NTNG1: variants seen among roughly 807,000 people sequenced by gnomAD.
NTNG1 encodes netrin-G1.
A neutral mutation model predicts 54.0 loss-of-function variants in NTNG1; 16 were observed. The observed-to-expected ratio is 0.30, with a 90% CI of 0.20 to 0.45. NTNG1 has a LOEUF of 0.45. Among genes scored for constraint, NTNG1 ranks in the 20% least tolerant of loss-of-function variants. The pLI, the probability that NTNG1 is intolerant of heterozygous loss-of-function variation, is 1.00. For missense variants in NTNG1, 530 were observed against 678.7 expected, an observed-to-expected ratio of 0.78 and a Z score of 2.43; for synonymous variants, 255 against 263.1, an observed-to-expected ratio of 0.97 and a Z score of 0.30.
intron 2 of NTNG1, among the ~76,000 whole-genome samples, chr1:107,191,161 A>G (rs138575544): frequency 6.7e-6 from 1 of 149,842 alleles, no homozygotes; most frequent in Non-Finnish European, 1.5e-5. Flanking sequence ...TTTGATTTGC[A>G]TTTCTCTGAT....
intron 2 of NTNG1, among the ~76,000 whole-genome samples, chr1:107,323,271 T>C (rs1570676456): frequency 6.6e-6 from 1 of 152,114 alleles, no homozygotes; most frequent in African/African-American, 2.4e-5. Context: ...ACTTGTTTTC[T>C]TAAAAACAAA....
intron 2 of NTNG1, among the ~76,000 whole-genome samples, chr1:107,149,706 T>C (rs562007098): frequency 6.6e-6 from 1 of 152,152 alleles, no homozygotes; most frequent in Non-Finnish European, 1.5e-5. Context: ...GTAAAGAGGC[T>C]GGTGATTAAA....
At chr1:107,299,433 A>G (rs987364039) in intron 2 of NTNG1, among the ~76,000 whole-genome samples, 11 of 152,092 alleles carry the variant, frequency 7.2e-5, no homozygotes, top group Admixed American at 3.3e-4. Context: ...CTCAAAATCA[A>G]TGGTGTAGTG....
At chr1:107,404,114 T>G (rs1272549198) in intron 4 of NTNG1, among the ~76,000 whole-genome samples, 1 of 150,428 alleles carries the variant, frequency 6.6e-6, no homozygotes, top group Non-Finnish European at 1.5e-5. Flanking sequence ...TAATTTTATA[T>G]TTTAATGTTA....
chr1:107,149,643 AAC>A (rs1654410630), intron 2 of NTNG1, among the ~76,000 whole-genome samples: 1 of 152,140 alleles, frequency 6.6e-6, no homozygotes, highest in African/African-American at 2.4e-5. Context: ...ATATTGGAGT[AAC>A]ACATTGAATT....
intron 2 of NTNG1, among the ~76,000 whole-genome samples, chr1:107,308,986 C>T (rs1401539426): frequency 2.7e-5 from 4 of 147,550 alleles, no homozygotes; most frequent in East Asian, 4.0e-4. Context: ...AGACATTACA[C>T]GTTGATGTAT....
intron 2 of NTNG1, among the ~76,000 whole-genome samples, chr1:107,221,626 C>T (rs1660352825): frequency 6.6e-6 from 1 of 152,156 alleles, no homozygotes; most frequent in Non-Finnish European, 1.5e-5. Context: ...TTGGTTAGAA[C>T]ATAGGGTACA....
chr1:107,182,266 A>T (rs1022556677), intron 2 of NTNG1, among the ~76,000 whole-genome samples: 1 of 152,142 alleles, frequency 6.6e-6, no homozygotes, highest in Non-Finnish European at 1.5e-5. Flanking sequence ...ACAGCATTTG[A>T]GTCTCCCCAA....
chr1:107,283,127 C>T (rs1000125463), intron 2 of NTNG1, among the ~76,000 whole-genome samples: 1 of 151,932 alleles, frequency 6.6e-6, no homozygotes, highest in Admixed American at 6.6e-5. Flanking sequence ...ACTTTCAGAC[C>T]CTAGCAAGGC....
chr1:107,265,856 G>A (rs1663702693), intron 2 of NTNG1, among the ~76,000 whole-genome samples: 1 of 152,142 alleles, frequency 6.6e-6, no homozygotes, highest in Non-Finnish European at 1.5e-5. Context: ...TGGTCTGGTT[G>A]GCCTCCTACC....
At chr1:107,421,018 G>A in intron 5 of NTNG1, 1 of 1,117,644 alleles carries the variant, frequency 8.9e-7, no homozygotes, top group Non-Finnish European at 1.3e-6. Flanking sequence ...TTGGTGATAA[G>A]TTATTACAGT....
intron 2 of NTNG1, among the ~76,000 whole-genome samples, chr1:107,281,132 G>A (rs1016657746): frequency 1.3e-5 from 2 of 151,926 alleles, no homozygotes; most frequent in Non-Finnish European, 2.9e-5. Flanking sequence ...CATTTCTGTT[G>A]ACCTATCAAC....
At chr1:107,423,232 A>G (rs1321575773) in intron 5 of NTNG1, among the ~76,000 whole-genome samples, 1 of 151,964 alleles carries the variant, frequency 6.6e-6, no homozygotes, top group East Asian at 1.9e-4. Context: ...TATTTTTTCT[A>G]TCTTCCCACT....
intron 2 of NTNG1, among the ~76,000 whole-genome samples, chr1:107,193,121 C>T (rs1658080972): frequency 6.6e-6 from 1 of 152,048 alleles, no homozygotes; most frequent in Non-Finnish European, 1.5e-5. Flanking sequence ...TAGGTGCTCT[C>T]ATTGTCTTCT....
chr1:107,456,540 T>A (rs1384486976), intron 7 of NTNG1, among the ~76,000 whole-genome samples: 1 of 152,132 alleles, frequency 6.6e-6, no homozygotes, highest in Non-Finnish European at 1.5e-5. Flanking sequence ...CCCACCAGAA[T>A]CAAGTAGAAC....
At chr1:107,416,061 AG>A (rs1674176551) in intron 5 of NTNG1, among the ~76,000 whole-genome samples, 1 of 152,182 alleles carries the variant, frequency 6.6e-6, no homozygotes, top group South Asian at 2.1e-4. Context: ...TAACTTAAAA[AG>A]TCTCGTGATG....
chr1:107,344,630 T>C (rs1475072189), intron 3 of NTNG1, among the ~76,000 whole-genome samples: 3 of 152,204 alleles, frequency 2.0e-5, no homozygotes, highest in Non-Finnish European at 4.4e-5. Flanking sequence ...AGCAAACTTG[T>C]CATTCTGTTG....
chr1:107,320,467 G>A (rs1026615676), intron 2 of NTNG1, among the ~76,000 whole-genome samples: 5 of 152,012 alleles, frequency 3.3e-5, no homozygotes, highest in Non-Finnish European at 7.4e-5. Flanking sequence ...GGATTAGGGT[G>A]GGGTTGAAGT....
chr1:107,387,227 G>A (rs1026850373), intron 3 of NTNG1, among the ~76,000 whole-genome samples: 3 of 152,198 alleles, frequency 2.0e-5, no homozygotes, highest in African/African-American at 7.2e-5. Context: ...CCAATTAGTA[G>A]ATTTGACAGA....
Sources: gnomAD v4.1 joint callset for allele counts (sites outside exome capture counted in the v4.1 genomes callset) on GRCh38, gnomAD v4.1.1 for gene constraint, MANE v1.5 for transcripts, NCBI Gene and HGNC (gene_info 2026-07-23, HGNC 2026-07-21) for gene names.